The following FHIT variants were observed in gnomAD, a reference collection of about 807,000 sequenced individuals.
The protein encoded by FHIT is bis(5'-adenosyl)-triphosphatase.
A neutral mutation model predicts 17.9 loss-of-function variants in FHIT; 19 were observed. The observed-to-expected ratio is 1.06, with a 90% CI of 0.74 to 1.56. The LOEUF is 1.56. Among genes scored for constraint, FHIT ranks in the 40% most tolerant of loss-of-function variants. The pLI, the probability that FHIT is intolerant of heterozygous loss-of-function variation, is 0.00. For missense variants in FHIT, 248 were observed against 189.2 expected (o/e 1.31, Z -1.82); for synonymous variants, 81 against 69.7 (o/e 1.16, Z -0.81).
chr3:60,429,136 T>TA (rs1377465348), intron 5 of FHIT, among the ~76,000 whole-genome samples: 1 of 152,042 alleles, frequency 6.6e-6, no homozygotes, highest in East Asian at 1.9e-4. Flanking sequence ...GACACAACTT[T>TA]ATTTCCTGCC....
At chr3:59,945,564 C>A (rs942503770) in intron 7 of FHIT, among the ~76,000 whole-genome samples, 2 of 149,288 alleles carry the variant, frequency 1.3e-5, no homozygotes, top group Non-Finnish European at 3.0e-5. Flanking sequence ...GTCACAATTG[C>A]TTTTGGCATC....
intron 5 of FHIT, among the ~76,000 whole-genome samples, chr3:60,508,209 A>G (rs1457806976): frequency 6.6e-6 from 1 of 152,184 alleles, no homozygotes. Context: ...GATTTGTGAA[A>G]TTTAGGAAGT....
chr3:59,960,774 C>T (rs62240087), intron 7 of FHIT, among the ~76,000 whole-genome samples: 13,232 of 152,200 alleles, frequency 0.087, 807 homozygotes, highest in South Asian at 0.15. Flanking sequence ...TTACACTTCC[C>T]TTGGTTCTAA....
At chr3:60,198,236 C>G (rs1702735822) in intron 5 of FHIT, among the ~76,000 whole-genome samples, 1 of 152,084 alleles carries the variant, frequency 6.6e-6, no homozygotes, top group African/African-American at 2.4e-5. Context: ...ATGGCACTAA[C>G]TTTCATCAAA....
chr3:60,280,697 C>A (rs1420789579), intron 5 of FHIT, among the ~76,000 whole-genome samples: 1 of 152,070 alleles, frequency 6.6e-6, no homozygotes, highest in Non-Finnish European at 1.5e-5. Flanking sequence ...GCTTTCAGAA[C>A]TGTCAGGGAA....
chr3:60,609,882 G>T (rs925944068), intron 4 of FHIT, among the ~76,000 whole-genome samples: 1 of 152,092 alleles, frequency 6.6e-6, no homozygotes, highest in African/African-American at 2.4e-5. Flanking sequence ...ATAAAATAAA[G>T]TTTATTACAA....
At chr3:59,980,007 A>G (rs1042166040) in intron 7 of FHIT, among the ~76,000 whole-genome samples, 1 of 152,180 alleles carries the variant, frequency 6.6e-6, no homozygotes, top group Non-Finnish European at 1.5e-5. Context: ...CAAATACACC[A>G]TATTGACTTT....
At chr3:60,098,089 C>T (rs1353549170) in intron 5 of FHIT, among the ~76,000 whole-genome samples, 1 of 150,536 alleles carries the variant, frequency 6.6e-6, no homozygotes, top group South Asian at 2.1e-4. Flanking sequence ...TGTATATGTG[C>T]CACGTTTTCT....
At chr3:60,585,142 A>AT (rs1423820915) in intron 4 of FHIT, among the ~76,000 whole-genome samples, 2 of 151,980 alleles carry the variant, frequency 1.3e-5, no homozygotes, top group Non-Finnish European at 2.9e-5. Context: ...ATCCCTCCCT[A>AT]TTTGTCAATA....
intron 3 of FHIT, among the ~76,000 whole-genome samples, chr3:60,832,879 A>C (rs1185964118): frequency 6.6e-6 from 1 of 152,238 alleles, no homozygotes; most frequent in Non-Finnish European, 1.5e-5. Context: ...TTCAAAATTC[A>C]GAGTGTACTT....
chr3:60,129,196 G>T (rs530757655), intron 5 of FHIT, among the ~76,000 whole-genome samples: 3 of 152,046 alleles, frequency 2.0e-5, no homozygotes, highest in East Asian at 1.9e-4. Flanking sequence ...GGGACTACAG[G>T]TGAGTGCCAC....
intron 3 of FHIT, among the ~76,000 whole-genome samples, chr3:61,011,350 C>G (rs910159354): frequency 4.6e-5 from 7 of 152,156 alleles, no homozygotes; most frequent in Admixed American, 4.6e-4. Context: ...TTAGCTTGCT[C>G]TCACATAAAA....
At chr3:60,908,384 A>G (rs112242494) in intron 3 of FHIT, among the ~76,000 whole-genome samples, 4 of 152,254 alleles carry the variant, frequency 2.6e-5, no homozygotes, top group Non-Finnish European at 5.9e-5. Flanking sequence ...AAATGCCATT[A>G]TAGAGCAGTC....
chr3:60,250,932 C>G (rs1705677329), intron 5 of FHIT, among the ~76,000 whole-genome samples: 1 of 152,124 alleles, frequency 6.6e-6, no homozygotes, highest in South Asian at 2.1e-4. Flanking sequence ...CCCAAAAACT[C>G]ATTGTCTGAG....
chr3:60,272,287 A>C (rs945509814), intron 5 of FHIT, among the ~76,000 whole-genome samples: 5 of 152,244 alleles, frequency 3.3e-5, no homozygotes, highest in African/African-American at 1.2e-4. Flanking sequence ...CTGAAGGTAC[A>C]GAAGACAGGA....
At chr3:60,075,068 T>C (rs1225799442) in intron 5 of FHIT, among the ~76,000 whole-genome samples, 2 of 152,108 alleles carry the variant, frequency 1.3e-5, no homozygotes, top group Admixed American at 1.3e-4. Flanking sequence ...TGTCACCCTC[T>C]GGAATGACAA....
At chr3:60,494,632 C>T (rs1039724812) in intron 5 of FHIT, among the ~76,000 whole-genome samples, 8 of 152,172 alleles carry the variant, frequency 5.3e-5, no homozygotes, top group African/African-American at 1.9e-4. Flanking sequence ...GTCAACTATC[C>T]TTCCCAGCTT....
chr3:60,060,490 G>A (rs143585756), intron 5 of FHIT, among the ~76,000 whole-genome samples: 2 of 152,074 alleles, frequency 1.3e-5, no homozygotes, highest in African/African-American at 4.8e-5. Flanking sequence ...TTAATCCTTT[G>A]TATTAACTAC....
At chr3:61,245,806 C>T (rs941421856) in intron 1 of FHIT, among the ~76,000 whole-genome samples, 2 of 152,100 alleles carry the variant, frequency 1.3e-5, no homozygotes, top group South Asian at 2.1e-4. Context: ...ACCTCAAATA[C>T]GTATTTATTT....
Sources: gnomAD v4.1 joint callset for allele counts (sites outside exome capture counted in the v4.1 genomes callset) on GRCh38, gnomAD v4.1.1 for gene constraint, MANE v1.5 for transcripts, NCBI Gene and HGNC (gene_info 2026-07-23, HGNC 2026-07-21) for gene names.